EMP2: variants seen among roughly 807,000 people sequenced by gnomAD.
EMP2 encodes epithelial membrane protein 2.
In EMP2, 19 loss-of-function variants were observed where a neutral mutation model predicts 13.7. The ratio of observed to expected loss-of-function variants is 1.38; its 90% CI spans 0.97 to 2.03. The LOEUF is 2.03. Among genes scored for constraint, EMP2 ranks in the 30% most tolerant of loss-of-function variants. The probability of loss-of-function intolerance (pLI) is 0.00; values close to 1 mark genes in which losing one functional copy is unlikely to be tolerated. For synonymous variants in EMP2, 97 were observed against 84.7 expected, an observed-to-expected ratio of 1.15 and a Z score of -0.80; for missense variants, 253 against 220.7, an observed-to-expected ratio of 1.15 and a Z score of -0.93.
At chr16:10,543,826 G>C (rs924899101) in intron 2 of EMP2, among the ~76,000 whole-genome samples, 166 bp from the exon 3 acceptor site, 3 of 152,112 alleles carry the variant, frequency 2.0e-5, no homozygotes, top group African/African-American at 7.2e-5. Flanking sequence ...AGGAGGTCTG[G>C]GGTGGGGACT....
In EMP2 at chr16:10,537,918, A is replaced by G. The variant is rs1382221096; in HGVS notation, c.316+10T>C. ...AGCCCCTTGTTAGGGAAGCCCGTTG[A>G]TGTACTTACATGACATTAGCTGGAT... is the stretch of plus-strand genomic sequence containing the variant. On this transcript the variant is annotated intron_variant, in intron 4 of 4. Coordinates refer to ENST00000359543, the MANE Select transcript of EMP2 (RefSeq NM_001424.6). 6.2e-7 allele frequency: 1 copy of G among 1,612,858 alleles called. No homozygotes were observed. The highest frequency in any genetic ancestry group is 8.5e-7 in the Non-Finnish European group (1 of 1,179,026).
intron 1 of EMP2, among the ~76,000 whole-genome samples, chr16:10,551,108 C>G (rs553459319): frequency 2.0e-5 from 3 of 152,118 alleles, no homozygotes; most frequent in South Asian, 2.1e-4. Flanking sequence ...TTTCATCACC[C>G]CCAAAGTAAA....
chr16:10,556,280 A>C (rs2050827119), intron 1 of EMP2, among the ~76,000 whole-genome samples: 1 of 151,894 alleles, frequency 6.6e-6, no homozygotes. Context: ...AGTTCCTTCC[A>C]ATTTTTTTTA....
chr16:10,558,838 G>A (rs2142196645), intron 1 of EMP2, among the ~76,000 whole-genome samples: 1 of 152,234 alleles, frequency 6.6e-6, no homozygotes, highest in African/African-American at 2.4e-5. Flanking sequence ...AGAACGTGCT[G>A]TTAAGATGAC....
intron 1 of EMP2, among the ~76,000 whole-genome samples, chr16:10,568,814 T>A (rs146032182): frequency 7.9e-6 from 1 of 127,304 alleles, no homozygotes; most frequent in East Asian, 2.7e-4. Flanking sequence ...GAGATGGAAT[T>A]TCACTCGTGT....
rs554907223 is a variant in EMP2, at chr16:10,547,638, C to G, written c.-21G>C. The stretch of plus-strand genomic sequence containing the variant: ...AACATTTTCACAGGGCAGGGCGAGT[C>G]GAGGCGAGGGGTCACGTTTAAAGCC... On this transcript the variant is annotated 5_prime_UTR_variant, in exon 2 of 5. Coordinates refer to ENST00000359543, the MANE Select transcript of EMP2 (RefSeq NM_001424.6). 4 of 1,613,362 alleles carry G rather than the reference C, an allele frequency of 2.5e-6. No individual in the cohort carries two copies. In the African/African-American group the frequency reaches 5.3e-5, roughly 22 times the overall value.
rs2279868 is a variant in EMP2, at chr16:10,538,055, C to T, written c.189G>A (p.Ala63=). The T allele has an allele frequency of 0.2, 321,306 of 1,613,660 alleles. 35,095 individuals carry two copies. Among genetic ancestry groups the T allele is most frequent in the South Asian group, 0.37 (33,411 of 91,044 alleles). Residue 63 remains alanine, a synonymous_variant, in exon 4 of 5, where the codon GCG becomes GCA. Coordinates refer to ENST00000359543, the MANE Select transcript of EMP2 (RefSeq NM_001424.6). ...TGGAGAGGATCATGGTGGCCTGGAC[C>T]GCCTGCAGCGTGGAGTACTCTGCGG... ...DSFQEYSTLQ[A]VQATMILSTI... is the part of the protein sequence containing the mutation.
At chr16:10,567,271 G>A (rs976408853) in intron 1 of EMP2, among the ~76,000 whole-genome samples, 6 of 152,336 alleles carry the variant, frequency 3.9e-5, no homozygotes, top group South Asian at 2.1e-4. Context: ...GTCATTATCA[G>A]TGGAGTGAGG....
At chr16:10,542,737 G>C (rs1313968727) in intron 3 of EMP2, among the ~76,000 whole-genome samples, 1 of 152,190 alleles carries the variant, frequency 6.6e-6, no homozygotes, top group African/African-American at 2.4e-5. Flanking sequence ...TTGAAGAGGT[G>C]GGCACAGCAA....
intron 1 of EMP2, among the ~76,000 whole-genome samples, chr16:10,577,682 C>A (rs1442675719): frequency 6.6e-6 from 1 of 152,086 alleles, no homozygotes; most frequent in Non-Finnish European, 1.5e-5. Context: ...CAATCACCTG[C>A]CCTCCTGAGA....
intron 1 of EMP2, among the ~76,000 whole-genome samples, chr16:10,556,796 A>T (rs1395153027): frequency 6.6e-6 from 1 of 152,274 alleles, no homozygotes; most frequent in Non-Finnish European, 1.5e-5. Flanking sequence ...CAAAATTCAC[A>T]GGACTGGAAC....
At chr16:10,561,547 G>A (rs2050871524) in intron 1 of EMP2, among the ~76,000 whole-genome samples, 1 of 152,196 alleles carries the variant, frequency 6.6e-6, no homozygotes, top group Admixed American at 6.5e-5. Flanking sequence ...GGAGAGAAAA[G>A]ACTAGAAAAA....
intron 1 of EMP2, among the ~76,000 whole-genome samples, chr16:10,572,617 A>G (rs1202309133): frequency 6.6e-6 from 1 of 152,180 alleles, no homozygotes; most frequent in Admixed American, 6.5e-5. Context: ...AGGATAGATG[A>G]CCTGTCACAG....
chr16:10,540,984 A>T (rs2050692397), intron 3 of EMP2, among the ~76,000 whole-genome samples: 1 of 152,090 alleles, frequency 6.6e-6, no homozygotes, highest in Non-Finnish European at 1.5e-5. Context: ...GCTACTGGGG[A>T]GGCTGAGGTG....
intron 1 of EMP2, among the ~76,000 whole-genome samples, chr16:10,563,600 G>A (rs955493083): frequency 6.6e-6 from 1 of 152,196 alleles, no homozygotes; most frequent in African/African-American, 2.4e-5. Flanking sequence ...GGCCCAAGGA[G>A]TCTCAAGACT....
At chr16:10,569,652 A>T (rs1254644962) in intron 1 of EMP2, among the ~76,000 whole-genome samples, 2 of 152,188 alleles carry the variant, frequency 1.3e-5, no homozygotes, top group Admixed American at 6.5e-5. Flanking sequence ...TACGCTGTAA[A>T]TGGAAAATCA....
At chr16:10,555,821 G>A (rs138825129) in intron 1 of EMP2, among the ~76,000 whole-genome samples, 11 of 152,086 alleles carry the variant, frequency 7.2e-5, no homozygotes, top group South Asian at 2.1e-4. Flanking sequence ...TCCCAATCTC[G>A]GGTGATCTGC....
At chr16:10,558,056 A>ATTTTT in intron 1 of EMP2, among the ~76,000 whole-genome samples, 1 of 146,852 alleles carries the variant, frequency 6.8e-6, no homozygotes. Context: ...TTTAAACAGG[A>ATTTTT]TCTCTCTCTG....
chr16:10,532,740 ATTTTTTTTTTCTTTTTTC>A lies in EMP2; in HGVS notation c.*147_*164del, dbSNP rs1381360529. ...ATGCAAAAACTCTTCTCTCTTTTGG[ATTTTTTTTTTCTTTTTTC>A]TTTTTTTTTTTTTTTTTTTTTTTTT... is the stretch of plus-strand genomic sequence containing the variant. On this transcript the variant is annotated 3_prime_UTR_variant, in exon 5 of 5. Transcript: ENST00000359543. The A allele has an allele frequency of 4.9e-6, 1 of 203,000 alleles. No homozygotes were observed. The highest frequency in any genetic ancestry group is 3.4e-5 in the African/African-American group (1 of 29,792). The allele number at this position is 203,000 out of a possible 1,614,324, so 12.6% of individuals were successfully genotyped here. A position where few individuals can be genotyped will look rare whatever the true frequency, so the allele number is the denominator to read the frequency against.
Sources: gnomAD v4.1 joint callset for allele counts (sites outside exome capture counted in the v4.1 genomes callset) on GRCh38, gnomAD v4.1.1 for gene constraint, MANE v1.5 for transcripts, NCBI Gene and HGNC (gene_info 2026-07-23, HGNC 2026-07-21) for gene names.